Variants in OSCP1 observed in about 807,000 individuals in gnomAD.
The protein encoded by OSCP1 is protein OSCP1.
Under a neutral mutation model 45.1 loss-of-function variants are expected in OSCP1, and 35 were observed. The ratio of observed to expected loss-of-function variants is 0.78; its 90% CI spans 0.59 to 1.03. The LOEUF (loss-of-function observed/expected upper bound fraction) is 1.03, where lower values mean the gene tolerates loss of function less well. OSCP1 is among the 50% of genes least tolerant of loss of function. The pLI is 0.00. For missense variants in OSCP1, 400 were observed against 470.7 expected (o/e 0.85, Z 1.39); for synonymous variants, 179 against 180.1 (o/e 0.99, Z 0.05).
chr1:36,433,753 A>G (rs1188276080), intron 2 of OSCP1, among the ~76,000 whole-genome samples: 2 of 152,230 alleles, frequency 1.3e-5, no homozygotes, highest in Non-Finnish European at 1.5e-5. Context: ...CTGGGCTGAC[A>G]TGATCAAAGT....
At chr1:36,422,976 G>A (rs1337942593) in intron 5 of OSCP1, 80 bp from the exon 6 acceptor site, 1 of 1,227,408 alleles carries the variant, frequency 8.1e-7, no homozygotes. Context: ...TTGTACTACA[G>A]AACAAAAAAG....
In OSCP1 at chr1:36,433,157, A is replaced by G. The variant is rs369582598; in HGVS notation, c.268-568T>C. On this transcript the variant is annotated intron_variant, in intron 2 of 9. Coordinates refer to ENST00000235532, the MANE Select transcript of OSCP1 (RefSeq NM_145047.5). ...TGAACTATGTGGATATCAACAAGCCATCTCCACATAGGTGTGGTATGACCA... is the reference window on the plus strand; with the variant it reads ...TGAACTATGTGGATATCAACAAGCCGTCTCCACATAGGTGTGGTATGACCA... Among the ~76,000 whole-genome samples, 184 of 152,354 alleles carry G rather than the reference A, an allele frequency of 1.2e-3. 4 individuals are homozygous for G. The highest frequency in any genetic ancestry group is 4.1e-4 in the South Asian group (2 of 4,832).
intron 4 of OSCP1, among the ~76,000 whole-genome samples, chr1:36,424,977 A>T (rs567443026): frequency 6.6e-6 from 1 of 152,078 alleles, no homozygotes; most frequent in African/African-American, 2.4e-5. Context: ...GTTCGAGACC[A>T]GCCTGGCCAA....
At chr1:36,424,901 G>C (rs1647870694) in intron 4 of OSCP1, among the ~76,000 whole-genome samples, 1 of 152,134 alleles carries the variant, frequency 6.6e-6, no homozygotes, top group African/African-American at 2.4e-5. Flanking sequence ...GGCTGGGTGT[G>C]GTGGCTTACG....
Position 36,447,354 on chromosome 1 carries a change from T to C in OSCP1, c.112+2904A>G, listed in dbSNP as rs888913547. Among the ~76,000 whole-genome samples the C allele has an allele frequency of 2.6e-5, 4 of 152,208 alleles. No homozygotes were observed. Among genetic ancestry groups the C allele is most frequent in the African/African-American group, 7.2e-5 (3 of 41,452 alleles). On this transcript the variant is annotated intron_variant, in intron 1 of 9. Coordinates refer to ENST00000235532, the MANE Select transcript of OSCP1 (RefSeq NM_145047.5). The surrounding 1 kb of genome is among the most constrained non-coding windows in gnomAD (Gnocchi z 4.1). ...ATAAAATCAGTGGGTATATTGGATA[T>C]ATATTTTTCAGACTCCTCCCTCTCC...
intron 4 of OSCP1, among the ~76,000 whole-genome samples, chr1:36,429,812 AT>A (rs34228845): frequency 0.11 from 14,680 of 139,398 alleles, 825 homozygotes; most frequent in East Asian, 0.3. Context: ...CAGTAGCATG[AT>A]TTTTTTTTTT....
chr1:36,436,543 T>G (rs1422046107), intron 2 of OSCP1, among the ~76,000 whole-genome samples: 1 of 152,148 alleles, frequency 6.6e-6, no homozygotes, highest in African/African-American at 2.4e-5. Context: ...ACCTGGTCTT[T>G]TAAAATTTTT....
At chr1:36,448,279 C>T (rs1174999029) in intron 1 of OSCP1, among the ~76,000 whole-genome samples, 3 of 152,154 alleles carry the variant, frequency 2.0e-5, no homozygotes, top group African/African-American at 7.2e-5. Context: ...TGCAGACTAC[C>T]TACCAGTCTG....
Position 36,422,884 on chromosome 1 carries a change from G to A in OSCP1, c.633C>T (p.Asn211=). The A allele has an allele frequency of 6.2e-7, 1 of 1,603,732 alleles. No homozygotes were observed. Among genetic ancestry groups the A allele is most frequent in the Non-Finnish European group, 8.5e-7 (1 of 1,174,646 alleles). ...CTATCCTCTTCACTTCTTCACCTTT[G>A]TTGTTGAACATTCTACAATACAAAG... The part of the protein sequence containing the change: ...EVPGLIRMFN[N]KGEEVKRIEF... Residue 211 remains asparagine, a synonymous_variant, in exon 6 of 10, where the codon AAC becomes AAT. Coordinates refer to ENST00000235532, the MANE Select transcript of OSCP1 (RefSeq NM_145047.5).
intron 7 of OSCP1, 60 bp from the exon 8 acceptor site, chr1:36,420,675 C>T: frequency 1.3e-6 from 2 of 1,590,298 alleles, no homozygotes; most frequent in Admixed American, 1.8e-5. Context: ...CCTGCTAAAA[C>T]CTCAGAGACA....
At chr1:36,419,753 C>G (rs1647497269) in intron 8 of OSCP1, among the ~76,000 whole-genome samples, 1 of 152,204 alleles carries the variant, frequency 6.6e-6, no homozygotes, top group African/African-American at 2.4e-5. Flanking sequence ...ATCCTGGCTT[C>G]TAACACTGCT....
At chr1:36,429,955 C>A (rs12119097) in intron 4 of OSCP1, among the ~76,000 whole-genome samples, 1 of 151,626 alleles carries the variant, frequency 6.6e-6, no homozygotes, top group Non-Finnish European at 1.5e-5. Context: ...GGATTAAAGG[C>A]GCCTGGCTAA....
intron 1 of OSCP1, among the ~76,000 whole-genome samples, chr1:36,445,545 G>A (rs1649466451): frequency 6.6e-6 from 1 of 152,204 alleles, no homozygotes; most frequent in Admixed American, 6.5e-5. Context: ...CGGCTGCAAA[G>A]GGTTTCCATT....
chr1:36,423,539 G>T, intron 4 of OSCP1, 73 bp from the exon 5 acceptor site: 1 of 1,214,160 alleles, frequency 8.2e-7, no homozygotes, highest in Non-Finnish European at 1.2e-6. Flanking sequence ...AGGGTGGAAA[G>T]TGCGTAATGG....
intron 1 of OSCP1, among the ~76,000 whole-genome samples, chr1:36,441,591 A>G (rs904199472): frequency 6.6e-6 from 1 of 151,866 alleles, no homozygotes; most frequent in South Asian, 2.1e-4. Flanking sequence ...CACTAAAAAA[A>G]AATACAAAAA....
Position 36,420,563 on chromosome 1 carries a change from C to T in OSCP1, c.872G>A (p.Arg291Lys). 1 of 1,614,158 alleles carries T rather than the reference C, an allele frequency of 6.2e-7. No individual in the cohort carries two copies. The highest frequency in any genetic ancestry group is 1.1e-5 in the South Asian group (1 of 91,082). ...CTTAATCTCCATCCCTCCCATCAGC[C>T]TGGCCAAGAAATTCAGCTCTTCTTT... is the stretch of plus-strand genomic sequence containing the variant. ...LAKEELNFLA[R>K]LMGGMEIKKP... The change falls in exon 8 of 10, where the codon AGG becomes AAG. Residue 291 changes from arginine (R) to lysine (K), a missense_variant. Physicochemically the swap from Arg to Lys is conservative, Grantham distance 26. Transcript: ENST00000235532.
chr1:36,430,396 CAGG>C (rs1261548545), intron 4 of OSCP1, among the ~76,000 whole-genome samples: 1 of 152,048 alleles, frequency 6.6e-6, no homozygotes, highest in Non-Finnish European at 1.5e-5. Flanking sequence ...GTAGGCAAGG[CAGG>C]AGGAGAGGGG....
rs1649589215 is a variant in OSCP1, at chr1:36,447,082, A to G, written c.112+3176T>C. 6.6e-6 allele frequency among the ~76,000 whole-genome samples: 1 copy of G among 152,216 alleles called. No individual in the cohort carries two copies. The highest frequency in any genetic ancestry group is 6.5e-5 in the Admixed American group (1 of 15,286). On this transcript the variant is annotated intron_variant, in intron 1 of 9. Transcript: ENST00000235532. The surrounding 1 kb of genome is among the most constrained non-coding windows in gnomAD (Gnocchi z 4.1). ...GTCGTATAAGATAATGAAAACATCTAGAAGAAATATGATTTCCACTCAAAG... is the reference window on the plus strand; with the variant it reads ...GTCGTATAAGATAATGAAAACATCTGGAAGAAATATGATTTCCACTCAAAG...
chr1:36,422,234 G>T lies in OSCP1; in HGVS notation c.750-15C>A. On this transcript the variant is annotated splice_polypyrimidine_tract_variant and intron_variant, in intron 6 of 9. Transcript: ENST00000235532. ...TCACGCTGTACCTGGTGTGTCAACA[G>T]AAAATGGTGACATTATCCAGCCCCT... 2 of 1,609,722 alleles carry T rather than the reference G, an allele frequency of 1.2e-6. No individual in the cohort carries two copies. Among genetic ancestry groups the T allele is most frequent in the Non-Finnish European group, 1.7e-6 (2 of 1,176,004 alleles).
Sources: allele counts gnomAD v4.1 joint callset (sites outside exome capture counted in the v4.1 genomes callset), GRCh38; gene constraint gnomAD v4.1.1; non-coding constraint Gnocchi (gnomAD v3.1); transcripts MANE v1.5; gene names NCBI Gene and HGNC (gene_info 2026-07-23, HGNC 2026-07-21).